CDHR3: variants seen among roughly 807,000 people sequenced by gnomAD.
CDHR3 encodes the protein cadherin-related family member 3.
In CDHR3, 79 loss-of-function variants were observed where a neutral mutation model predicts 86.6. The observed-to-expected ratio is 0.91, with a 90% CI of 0.76 to 1.10. CDHR3 has a LOEUF of 1.10. Among genes scored for constraint, CDHR3 ranks in the 50% least tolerant of loss-of-function variants. The pLI is 0.00. For missense variants in CDHR3, 1,081 were observed against 1,077.6 expected (o/e 1.00, Z -0.04); for synonymous variants, 421 against 402.4 (o/e 1.05, Z -0.55).
intron 4 of CDHR3, among the ~76,000 whole-genome samples, chr7:105,993,500 T>C (rs1487480928): frequency 6.8e-6 from 1 of 146,896 alleles, no homozygotes; most frequent in Non-Finnish European, 1.5e-5. Context: ...TGAAACCCTG[T>C]CTCTACAAAA....
chr7:106,030,852 G>A lies in CDHR3; in HGVS notation c.2353+12G>A, dbSNP rs1272000333. 4 of 1,606,396 alleles carry A rather than the reference G, an allele frequency of 2.5e-6. No individual in the cohort carries two copies. Among genetic ancestry groups the A allele is most frequent in the South Asian group, 1.1e-5 (1 of 89,600 alleles). ...AGCCATAGATCCAGGTAATTAAGTG[G>A]CAATACCACTGTAAGAATGCTTTTT... On this transcript the variant is annotated intron_variant, in intron 18 of 18. Coordinates refer to ENST00000317716, the MANE Select transcript of CDHR3 (RefSeq NM_152750.5). This position sits in a 1 kb window ranked among gnomAD's most constrained non-coding sequence, Gnocchi z 4.8.
chr7:106,031,631 T>C (rs930993538), intron 18 of CDHR3, among the ~76,000 whole-genome samples: 4 of 152,200 alleles, frequency 2.6e-5, no homozygotes, highest in African/African-American at 9.7e-5. Context: ...GTTACCATAA[T>C]GTGCCCACAT....
intron 1 of CDHR3, among the ~76,000 whole-genome samples, chr7:105,966,341 G>A (rs1422462468): frequency 6.6e-6 from 1 of 152,198 alleles, no homozygotes; most frequent in Non-Finnish European, 1.5e-5. Flanking sequence ...GGAGCCAGAA[G>A]ATTCACATGG....
intron 8 of CDHR3, among the ~76,000 whole-genome samples, chr7:106,012,351 C>A (rs1484894344): frequency 6.6e-6 from 1 of 151,852 alleles, no homozygotes; most frequent in East Asian, 1.9e-4. Context: ...GATAAGGTGA[C>A]ATTTGATTAG....
intron 1 of CDHR3, among the ~76,000 whole-genome samples, chr7:105,969,653 T>C (rs530301850): frequency 6.6e-6 from 1 of 152,318 alleles, no homozygotes; most frequent in East Asian, 1.9e-4. Flanking sequence ...CATTGGCTGT[T>C]CCTGATCCAA....
rs567205563 is a variant in CDHR3 at position 106,002,745 on chromosome 7, C to T, written c.862+1135C>T. On this transcript the variant is annotated intron_variant, in intron 7 of 18. Coordinates refer to ENST00000317716, the MANE Select transcript of CDHR3 (RefSeq NM_152750.5). ...GTAATTTCAAAGTCTCTAGTAGTCACATTTTTAACAAGTAAAAAGAAATAG... is the reference window on the plus strand; with the variant it reads ...GTAATTTCAAAGTCTCTAGTAGTCATATTTTTAACAAGTAAAAAGAAATAG... Among the ~76,000 whole-genome samples the T allele has an allele frequency of 2.6e-5, 4 of 152,250 alleles. No individual in the cohort carries two copies. In the East Asian group the frequency reaches 7.7e-4, roughly 29 times the overall value.
At chr7:105,978,875 T>G (rs1315008553) in intron 2 of CDHR3, among the ~76,000 whole-genome samples, 1 of 152,054 alleles carries the variant, frequency 6.6e-6, no homozygotes, top group Non-Finnish European at 1.5e-5. Flanking sequence ...TAGGTAATAC[T>G]GAGGTCAAGG....
rs1473530893 is a variant in CDHR3, at chr7:106,017,946, A to G, written c.1527A>G (p.Pro509=). ...CTGGAGGGGCCAGCCTCCAGTATCC[A>G]AATGTATTTTGGATTAATCCCAAGA... The part of the protein sequence containing the change: ...ISTGGASLQY[P]NVFWINPKTG... The change falls in exon 12 of 19, where the codon CCA becomes CCG. Residue 509 remains proline, a synonymous_variant. Transcript: ENST00000317716. 2 of 1,613,402 alleles carry G rather than the reference A, an allele frequency of 1.2e-6. No individual in the cohort carries two copies. The highest frequency in any genetic ancestry group is 2.7e-5 in the African/African-American group (2 of 74,870).
intron 3 of CDHR3, among the ~76,000 whole-genome samples, chr7:105,983,247 C>A (rs540102648): frequency 7.5e-6 from 1 of 132,532 alleles, no homozygotes; most frequent in South Asian, 2.5e-4. Flanking sequence ...TTGGACAGAG[C>A]GCTCAGTAGA....
At chr7:105,972,030 A>AT (rs1171681401) in intron 1 of CDHR3, among the ~76,000 whole-genome samples, 1 of 152,182 alleles carries the variant, frequency 6.6e-6, no homozygotes, top group African/African-American at 2.4e-5. Context: ...TGTAGTAGGT[A>AT]TGTGTAGTCT....
At position 106,032,433 on chromosome 7, in the gene CDHR3, C is replaced by G. The variant is rs542345586; in HGVS notation, c.2394C>G (p.Ala798=). 3 of 1,612,242 alleles carry G rather than the reference C, an allele frequency of 1.9e-6. No individual in the cohort carries two copies. The highest frequency in any genetic ancestry group is 4.5e-5 in the East Asian group (2 of 44,808). ...ATGAATTCAACTCAAAAACTGGAGC[C>G]AGAAAGTGGAAAGATCCACTAACCC... ...ETYEFNSKTG[A]RKWKDPLTQM... is the part of the protein sequence containing the mutation. The change falls in exon 19 of 19, where the codon GCC becomes GCG. Residue 798 remains alanine (A), a synonymous_variant. Transcript: ENST00000317716.
intron 4 of CDHR3, among the ~76,000 whole-genome samples, chr7:105,992,149 A>G (rs533410566): frequency 6.6e-6 from 1 of 152,236 alleles, no homozygotes; most frequent in African/African-American, 2.4e-5. Flanking sequence ...TTTGGAGTGT[A>G]GGGCCTGTCT....
At chr7:105,991,261 C>A (rs965184267) in intron 4 of CDHR3, among the ~76,000 whole-genome samples, 1 of 152,196 alleles carries the variant, frequency 6.6e-6, no homozygotes, top group Admixed American at 6.5e-5. Flanking sequence ...TGCTGAGTCG[C>A]TGGCAAATGG....
chr7:106,020,048 TG>T lies in CDHR3; in HGVS notation c.1654-315del, dbSNP rs58623553. Among the ~76,000 whole-genome samples, 409 of 148,542 alleles carry T rather than the reference TG, an allele frequency of 2.8e-3. 2 individuals are homozygous for T. Among genetic ancestry groups the T allele is most frequent in the African/African-American group, 9.1e-3 (369 of 40,644 alleles). ...GTGTCCAGGTGCATGTGTGTGTGTGTGGGGGGGGGGCAAGGTATACATACAC... is the reference window on the plus strand; with the variant it reads ...GTGTCCAGGTGCATGTGTGTGTGTGTGGGGGGGGGCAAGGTATACATACAC... On this transcript the variant is annotated intron_variant, in intron 12 of 18. Coordinates refer to ENST00000317716, the MANE Select transcript of CDHR3 (RefSeq NM_152750.5).
chr7:105,994,819 A>G lies in CDHR3; in HGVS notation c.582A>G (p.Glu194=). Residue 194 remains glutamate, a synonymous_variant, in exon 5 of 19, where the codon GAA becomes GAG. Coordinates refer to ENST00000317716, the MANE Select transcript of CDHR3 (RefSeq NM_152750.5). ...SANGTLFSTT[E]LDFEAGHRSF... is the part of the protein sequence containing the mutation. ...ATGGCACCCTCTTCTCCACAACAGA[A>G]TTGGACTTTGAAGCAGGACACAGAA... The G allele has an allele frequency of 6.2e-7, 1 of 1,611,758 alleles. No homozygotes were observed. Among genetic ancestry groups the G allele is most frequent in the Admixed American group, 1.7e-5 (1 of 59,752 alleles).
Position 106,032,377 on chromosome 7 carries a change from AT to A in CDHR3, c.2354-7del, listed in dbSNP as rs201099865. ...ATTTTCTGGCTTATGTGATTGTTGT[AT>A]TTTTTTTTCACTAGTGACCGGGGAA... On this transcript the variant is annotated splice_polypyrimidine_tract_variant and intron_variant, in intron 18 of 18. Coordinates refer to ENST00000317716, the MANE Select transcript of CDHR3 (RefSeq NM_152750.5). 4.1e-5 allele frequency: 65 copies of A among 1,572,972 alleles called. No individual in the cohort carries two copies. Among genetic ancestry groups the A allele is most frequent in the Admixed American group, 1.9e-4 (11 of 57,262 alleles).
intron 12 of CDHR3, among the ~76,000 whole-genome samples, chr7:106,019,786 G>A (rs79283654): frequency 0.014 from 2,185 of 152,292 alleles, 23 homozygotes; most frequent in African/African-American, 0.023. Context: ...TCTTAGCCCT[G>A]GCTGCATATT....
chr7:106,026,138 T>C (rs1585847145), intron 15 of CDHR3, among the ~76,000 whole-genome samples: 1 of 152,228 alleles, frequency 6.6e-6, no homozygotes, highest in Non-Finnish European at 1.5e-5. Context: ...AAATTAGTTA[T>C]ACCATATGAC....
chr7:106,028,355 A>G (rs562717528), intron 16 of CDHR3, 196 bp from the exon 17 acceptor site: 1 of 666,358 alleles, frequency 1.5e-6, no homozygotes, highest in East Asian at 2.8e-5. Context: ...GTGTGTGTGT[A>G]TACATATGTG....
Sources: gnomAD v4.1 joint callset for allele counts (sites outside exome capture counted in the v4.1 genomes callset) on GRCh38, gnomAD v4.1.1 for gene constraint, Gnocchi (gnomAD v3.1) non-coding constraint, MANE v1.5 for transcripts, NCBI Gene and HGNC (gene_info 2026-07-23, HGNC 2026-07-21) for gene names.